The following RPH3AL variants were observed in gnomAD, a reference collection of about 807,000 sequenced individuals.
RPH3AL encodes the protein rab effector Noc2.
RPH3AL carries 38 observed loss-of-function variants against 43.1 expected under a neutral mutation model. The observed-to-expected ratio is 0.88, with a 90% CI of 0.68 to 1.15. The LOEUF (loss-of-function observed/expected upper bound fraction) is 1.15, where lower values mean the gene tolerates loss of function less well. RPH3AL is among the 50% of genes most tolerant of loss of function. RPH3AL has a pLI of 0.00. For synonymous variants in RPH3AL, 189 were observed against 176.3 expected (o/e 1.07, Z -0.57); for missense variants, 462 against 423.2 (o/e 1.09, Z -0.81).
At chr17:242,286 CCTTCCTCTATTGATTA>C (rs1555537358) in intron 7 of RPH3AL, among the ~76,000 whole-genome samples, 9 of 129,834 alleles carry the variant, frequency 6.9e-5, no homozygotes, top group Non-Finnish European at 1.0e-4. Flanking sequence ...CTATTGACTA[CCTTCCTCTATTGATTA>C]CCTTCCTCTA....
intron 6 of RPH3AL, among the ~76,000 whole-genome samples, chr17:276,442 A>T (rs945826664): frequency 2.5e-4 from 38 of 152,330 alleles, no homozygotes; most frequent in African/African-American, 8.7e-4. Flanking sequence ...CTAAGGCTGG[A>T]GTGCAGTGGC....
At chr17:331,559 T>C (rs1385059054) in intron 2 of RPH3AL, 36 of 1,270,048 alleles carry the variant, frequency 2.8e-5, no homozygotes, top group Non-Finnish European at 3.7e-5. Context: ...TCGGGACAGA[T>C]GGTGGGAGAG....
intron 3 of RPH3AL, 133 bp from the exon 4 acceptor site, chr17:321,548 C>T (rs986211439): frequency 4.0e-5 from 41 of 1,023,434 alleles, no homozygotes; most frequent in Admixed American, 2.1e-4. Flanking sequence ...ACGACGAGCG[C>T]GGGCAGCAGA....
chr17:232,851 T>C lies in RPH3AL; in HGVS notation c.614-13115A>G, dbSNP rs1034068014. Among the ~76,000 whole-genome samples the C allele has an allele frequency of 7.0e-5, 8 of 113,562 alleles. No individual in the cohort carries two copies. The East Asian group carries it at 1.1e-3, about 16-fold the overall frequency. 74.5% of individuals were successfully genotyped at this position (113,562 alleles called of 152,430 possible). ...CGGCGTGTGTGTGTGTGTGTGTGTG[T>C]GTGTGTGTGTGTGTGTGTGTGTGTG... On this transcript the variant is annotated intron_variant, in intron 7 of 9. Coordinates refer to ENST00000331302, the MANE Select transcript of RPH3AL (RefSeq NM_006987.4).
chr17:307,146 G>A (rs1011623991), intron 5 of RPH3AL, among the ~76,000 whole-genome samples: 6 of 148,886 alleles, frequency 4.0e-5, no homozygotes, highest in South Asian at 4.3e-4. Flanking sequence ...CCCATGGCAG[G>A]TCCTCCCCAT....
In RPH3AL at chr17:312,288, G is replaced by C. The variant is rs1337430327; in HGVS notation, c.351+7132C>G. Among the ~76,000 whole-genome samples, 3 of 152,024 alleles carry C rather than the reference G, an allele frequency of 2.0e-5. No homozygotes were observed. The East Asian group carries it at 5.8e-4, about 29-fold the overall frequency. ...TGCACTCCAGCCTGGGTGACAGAGT[G>C]AGACCCTGTCAAAACACAGAAAAGC... is the stretch of plus-strand genomic sequence containing the variant. On this transcript the variant is annotated intron_variant, in intron 5 of 9. Coordinates refer to ENST00000331302, the MANE Select transcript of RPH3AL (RefSeq NM_006987.4).
chr17:237,623 T>G (rs2041429449), intron 7 of RPH3AL, among the ~76,000 whole-genome samples: 1 of 152,246 alleles, frequency 6.6e-6, no homozygotes, highest in Non-Finnish European at 1.5e-5. Context: ...ATTTACACCC[T>G]GTGAGCAGGG....
At chr17:230,644 G>A (rs959128892) in intron 7 of RPH3AL, among the ~76,000 whole-genome samples, 2 of 152,212 alleles carry the variant, frequency 1.3e-5, no homozygotes, top group African/African-American at 4.8e-5. Flanking sequence ...TGGGTTGGGT[G>A]TGGTCTGCAC....
chr17:292,587 C>T (rs569063722), intron 5 of RPH3AL, among the ~76,000 whole-genome samples: 1 of 152,244 alleles, frequency 6.6e-6, no homozygotes, highest in South Asian at 2.1e-4. Flanking sequence ...CAGTCTGAGC[C>T]TCGGTCCCGG....
At chr17:310,316 G>C (rs533000293) in intron 5 of RPH3AL, among the ~76,000 whole-genome samples, 1 of 152,160 alleles carries the variant, frequency 6.6e-6, no homozygotes, top group Non-Finnish European at 1.5e-5. Flanking sequence ...TCCGAGGACC[G>C]GCATCTCGGC....
intron 7 of RPH3AL, among the ~76,000 whole-genome samples, chr17:240,237 CAAA>C (rs56048443): frequency 8.8e-4 from 123 of 140,216 alleles, no homozygotes; most frequent in Middle Eastern, 7.3e-3. Context: ...AACTCCATCT[CAAA>C]AAAAAAAAAA....
In RPH3AL at chr17:266,766, C is replaced by T. The variant is rs558946821; in HGVS notation, c.438+15002G>A. On this transcript the variant is annotated intron_variant, in intron 6 of 9. Transcript: ENST00000331302. ...TTCTTGACAGATGATTTAAACACCTCGGCTAGATTATTTCAGAACTAGAGG... is the reference window on the plus strand; with the variant it reads ...TTCTTGACAGATGATTTAAACACCTTGGCTAGATTATTTCAGAACTAGAGG... Among the ~76,000 whole-genome samples the T allele has an allele frequency of 5.2e-5, 8 of 152,384 alleles. No homozygotes were observed. In the East Asian group the frequency reaches 7.7e-4, roughly 15 times the overall value.
chr17:229,519 C>A (rs2041179900), intron 7 of RPH3AL, among the ~76,000 whole-genome samples: 1 of 152,236 alleles, frequency 6.6e-6, no homozygotes, highest in South Asian at 2.1e-4. Context: ...GGGTTTCCCC[C>A]AGGACAAGCG....
chr17:332,692 C>G, intron 2 of RPH3AL: 1 of 241,568 alleles, frequency 4.1e-6, no homozygotes, highest in Non-Finnish European at 8.4e-6. Context: ...GTTTGTCCCT[C>G]AAGATTCCCC....
Position 284,047 on chromosome 17 carries a change from A to T in RPH3AL, c.352-2193T>A, listed in dbSNP as rs570611508. ...GTGGAAACAAGTGTGGCCCTCAGAG[A>T]CGTGAGCTCTCCCTTCTGCACTCTA... On this transcript the variant is annotated intron_variant, in intron 5 of 9. Transcript: ENST00000331302. Among the ~76,000 whole-genome samples the T allele has an allele frequency of 2.0e-5, 3 of 152,268 alleles. No individual in the cohort carries two copies. The South Asian group carries it at 6.2e-4, about 32-fold the overall frequency.
intron 6 of RPH3AL, among the ~76,000 whole-genome samples, chr17:253,675 C>A (rs536626633): frequency 7.5e-6 from 1 of 132,982 alleles, no homozygotes; most frequent in African/African-American, 3.0e-5. Flanking sequence ...TCCCTAGGAA[C>A]GTTACTACCC....
At chr17:219,798 C>T (rs1236830597) in intron 7 of RPH3AL, 62 bp from the exon 8 acceptor site, 40 of 1,292,150 alleles carry the variant, frequency 3.1e-5, no homozygotes, top group Admixed American at 1.5e-4. Flanking sequence ...CAGGCATGGA[C>T]GGAGGGACGA....
At chr17:309,353 C>G (rs918197531) in intron 5 of RPH3AL, among the ~76,000 whole-genome samples, 2 of 152,180 alleles carry the variant, frequency 1.3e-5, no homozygotes, top group Admixed American at 1.3e-4. Context: ...TCCCAGATAC[C>G]AAACAGAGAG....
chr17:240,937 G>A (rs1268118148), intron 7 of RPH3AL, among the ~76,000 whole-genome samples: 1 of 151,866 alleles, frequency 6.6e-6, no homozygotes, highest in Non-Finnish European at 1.5e-5. Flanking sequence ...GGCGCCTGTA[G>A]TCCCAGCTAC....
Sources: gnomAD v4.1 joint callset for allele counts (sites outside exome capture counted in the v4.1 genomes callset) on GRCh38, gnomAD v4.1.1 for gene constraint, MANE v1.5 for transcripts, NCBI Gene and HGNC (gene_info 2026-07-23, HGNC 2026-07-21) for gene names.